Variants in FCHSD2 observed in about 807,000 individuals in gnomAD.
The protein encoded by FCHSD2 is F-BAR and double SH3 domains protein 2.
FCHSD2 carries 38 observed loss-of-function variants against 108.1 expected under a neutral mutation model. That is an observed-to-expected ratio of 0.35 (90% CI 0.27 to 0.46). FCHSD2 has a LOEUF of 0.46. Ranked by LOEUF, FCHSD2 falls within the 20% of genes least tolerant of loss-of-function variation. The probability of loss-of-function intolerance (pLI) is 1.00; values close to 1 mark genes in which losing one functional copy is unlikely to be tolerated. For missense variants in FCHSD2, 751 were observed against 897.8 expected, an observed-to-expected ratio of 0.84 and a Z score of 2.09; for synonymous variants, 279 against 314.7, an observed-to-expected ratio of 0.89 and a Z score of 1.20.
intron 13 of FCHSD2, among the ~76,000 whole-genome samples, chr11:72,856,268 C>T (rs1332043054): frequency 6.6e-6 from 1 of 152,116 alleles, no homozygotes; most frequent in Non-Finnish European, 1.5e-5. Flanking sequence ...CCTGGGAATG[C>T]GGAAGAGGCC....
At chr11:73,042,894 T>C (rs541642565) in intron 3 of FCHSD2, among the ~76,000 whole-genome samples, 2 of 152,324 alleles carry the variant, frequency 1.3e-5, no homozygotes, top group South Asian at 4.1e-4. Flanking sequence ...GATTTTTGTA[T>C]GGTGATTTTG....
intron 8 of FCHSD2, among the ~76,000 whole-genome samples, chr11:72,972,610 G>A (rs1004112180): frequency 3.9e-5 from 6 of 152,124 alleles, no homozygotes; most frequent in South Asian, 4.1e-4. Context: ...AAAATATTTC[G>A]AAATAATTAC....
At chr11:72,919,887 A>T (rs910095369) in intron 9 of FCHSD2, among the ~76,000 whole-genome samples, 4 of 152,070 alleles carry the variant, frequency 2.6e-5, no homozygotes, top group African/African-American at 9.7e-5. Flanking sequence ...ACATATTCCA[A>T]CTGAATGGAA....
At chr11:73,015,937 G>T in intron 3 of FCHSD2, 52 bp from the exon 4 acceptor site, 2 of 991,640 alleles carry the variant, frequency 2.0e-6, no homozygotes, top group East Asian at 2.7e-5. Context: ...CATAAAGGAA[G>T]CTCTTTTCCT....
chr11:72,950,762 T>A (rs1856606573), intron 8 of FCHSD2, among the ~76,000 whole-genome samples: 1 of 152,232 alleles, frequency 6.6e-6, no homozygotes, highest in African/African-American at 2.4e-5. Context: ...TCATTTGGCT[T>A]CTCAGATATT....
At chr11:73,123,942 G>C (rs1860792873) in intron 2 of FCHSD2, among the ~76,000 whole-genome samples, 1 of 152,192 alleles carries the variant, frequency 6.6e-6, no homozygotes, top group African/African-American at 2.4e-5. Flanking sequence ...AATTTGTCAT[G>C]AACAGGCCTT....
chr11:73,139,446 T>C (rs1230687293), intron 2 of FCHSD2, among the ~76,000 whole-genome samples: 1 of 152,248 alleles, frequency 6.6e-6, no homozygotes, highest in Non-Finnish European at 1.5e-5. Context: ...TCCATCCCTC[T>C]AGTAAGAAAG....
At chr11:73,137,034 A>G (rs954901749) in intron 2 of FCHSD2, among the ~76,000 whole-genome samples, 1 of 152,178 alleles carries the variant, frequency 6.6e-6, no homozygotes, top group African/African-American at 2.4e-5. Flanking sequence ...TCTCAAAAAC[A>G]AACAAAAAAA....
In FCHSD2 at chr11:72,838,758, G is replaced by A. The variant is rs771853466; in HGVS notation, c.*33C>T. ...CTGGCCAAACTCCAAGCCTGGCCTT[G>A]ATTGTAGCAGTAATGGATGGGCAAG... On this transcript the variant is annotated 3_prime_UTR_variant, in exon 20 of 20. Coordinates refer to ENST00000409418, the MANE Select transcript of FCHSD2 (RefSeq NM_014824.3). 3 of 1,550,804 alleles carry A rather than the reference G, an allele frequency of 1.9e-6. No homozygotes were observed. Among genetic ancestry groups the A allele is most frequent in the East Asian group, 4.6e-5 (2 of 43,124 alleles).
At chr11:73,097,615 C>CTTTTTTTT (rs200159157) in intron 2 of FCHSD2, among the ~76,000 whole-genome samples, 2 of 95,310 alleles carry the variant, frequency 2.1e-5, no homozygotes, top group Non-Finnish European at 2.3e-5. Flanking sequence ...GTGAGGTGTT[C>CTTTTTTTT]TTTTTTTTTT....
At chr11:72,907,598 G>GTTTTTTT (rs200788964) in intron 9 of FCHSD2, among the ~76,000 whole-genome samples, 4 of 72,714 alleles carry the variant, frequency 5.5e-5, no homozygotes, top group Non-Finnish European at 2.4e-5. Flanking sequence ...TAATCACGTG[G>GTTTTTTT]GTTTTTTTTT....
chr11:72,906,052 C>T (rs192298962), intron 9 of FCHSD2, among the ~76,000 whole-genome samples: 210 of 152,332 alleles, frequency 1.4e-3, no homozygotes, highest in African/African-American at 4.9e-3. Flanking sequence ...TACACTCCCA[C>T]CAACAGTGTA....
chr11:73,098,473 A>G (rs546062898), intron 2 of FCHSD2, among the ~76,000 whole-genome samples: 5 of 152,200 alleles, frequency 3.3e-5, no homozygotes. Flanking sequence ...CATATGATCT[A>G]TCCTGGAAAA....
At chr11:72,881,791 T>C (rs1855092882) in intron 12 of FCHSD2, among the ~76,000 whole-genome samples, 1 of 152,198 alleles carries the variant, frequency 6.6e-6, no homozygotes, top group African/African-American at 2.4e-5. Flanking sequence ...GAAAGACAAA[T>C]ATCACATGTT....
In FCHSD2 at chr11:72,946,054, T is replaced by C. The variant is rs527804106; in HGVS notation, c.706-24104A>G. On this transcript the variant is annotated intron_variant, in intron 8 of 19. Transcript: ENST00000409418. Reference sequence around the variant, plus strand: ...AGCCATTCCATTACCGAGTATATACTCAAAGGATTATAAATCATGCTGCTA... The same window carrying C: ...AGCCATTCCATTACCGAGTATATACCCAAAGGATTATAAATCATGCTGCTA... 7.2e-5 allele frequency among the ~76,000 whole-genome samples: 11 copies of C among 152,228 alleles called. No individual in the cohort carries two copies. In the East Asian group the frequency reaches 7.7e-4, roughly 11 times the overall value.
chr11:73,074,976 G>A (rs1390609969), intron 3 of FCHSD2, among the ~76,000 whole-genome samples: 1 of 152,100 alleles, frequency 6.6e-6, no homozygotes, highest in Non-Finnish European at 1.5e-5. Flanking sequence ...AAATCAATAA[G>A]AGAAAAGCCA....
intron 8 of FCHSD2, among the ~76,000 whole-genome samples, chr11:72,966,973 C>T (rs1429747053): frequency 2.0e-5 from 3 of 151,836 alleles, no homozygotes; most frequent in Non-Finnish European, 4.4e-5. Flanking sequence ...CTGAGGTGGG[C>T]GGATCACGAG....
intron 8 of FCHSD2, among the ~76,000 whole-genome samples, chr11:72,943,126 G>T (rs1173891784): frequency 6.6e-6 from 1 of 152,114 alleles, no homozygotes; most frequent in Non-Finnish European, 1.5e-5. Flanking sequence ...TGAGTAGCTA[G>T]GATTACAGGC....
chr11:72,964,846 C>T (rs1856876712), intron 8 of FCHSD2, among the ~76,000 whole-genome samples: 1 of 148,944 alleles, frequency 6.7e-6, no homozygotes, highest in African/African-American at 2.5e-5. Context: ...CTGGAGCGCA[C>T]TGGCAGGATC....
Sources: allele counts gnomAD v4.1 joint callset (sites outside exome capture counted in the v4.1 genomes callset), GRCh38; gene constraint gnomAD v4.1.1; transcripts MANE v1.5; gene names NCBI Gene and HGNC (gene_info 2026-07-23, HGNC 2026-07-21).